Variants in CHRNB4 observed in about 807,000 individuals in gnomAD.
CHRNB4 encodes the protein cholinergic receptor nicotinic beta 4 subunit.
CHRNB4 carries 23 observed loss-of-function variants against 40.4 expected under a neutral mutation model. That is an observed-to-expected ratio of 0.57 (90% CI 0.41 to 0.81). CHRNB4 has a LOEUF of 0.81. CHRNB4 is among the 30% of genes least tolerant of loss of function. The pLI, the probability that CHRNB4 is intolerant of heterozygous loss-of-function variation, is 0.00. For missense variants in CHRNB4, 568 were observed against 670.6 expected (o/e 0.85, Z 1.69); for synonymous variants, 285 against 274.4 (o/e 1.04, Z -0.38).
Position 78,641,122 on chromosome 15 carries a change from C to G in CHRNB4, c.12G>C (p.Ala4=), listed in dbSNP as rs746056646. 16 of 1,573,906 alleles carry G rather than the reference C, an allele frequency of 1.0e-5. No homozygotes were observed. Among genetic ancestry groups the G allele is most frequent in the African/African-American group, 2.7e-5 (2 of 73,576 alleles). MRR[A]PSLVLFFLVA... ...CCAGGAAGAAAAGGACCAGGGAAGG[C>G]GCGCGCCTCATGGCCGGCGGGGCCG... Residue 4 remains alanine (A), a synonymous_variant, in exon 1 of 6, where the codon GCG becomes GCC. Coordinates refer to ENST00000261751, the MANE Select transcript of CHRNB4 (RefSeq NM_000750.5).
chr15:78,631,325 C>T lies in CHRNB4; in HGVS notation c.212G>A (p.Arg71Gln), dbSNP rs1369287083. The T allele has an allele frequency of 6.2e-6, 10 of 1,613,750 alleles. No individual in the cohort carries two copies. Among genetic ancestry groups the T allele is most frequent in the Admixed American group, 1.7e-5 (1 of 59,982 alleles). ...GACATTGGTGGTCATGATCTGCTCT[C>T]GCTCATTCTGGGGAGGGAAACGGGG... ...SLAQLISVNE[R>Q]EQIMTTNVWL... Residue 71 changes from arginine (R) to glutamine (Q), a missense_variant, in exon 3 of 6, where the codon CGA (arginine) becomes CAA (glutamine). Physicochemically the swap from Arg to Gln is conservative, Grantham distance 43. Transcript: ENST00000261751.
upstream of CHRNB4, among the ~76,000 whole-genome samples, chr15:78,644,650 G>A (rs1221479187): frequency 6.6e-6 from 1 of 152,172 alleles, no homozygotes; most frequent in African/African-American, 2.4e-5. Flanking sequence ...AAATACTCAG[G>A]AAGAGCTGAC....
At chr15:78,639,055 T>C (rs1292309569) in intron 1 of CHRNB4, among the ~76,000 whole-genome samples, 2 of 152,240 alleles carry the variant, frequency 1.3e-5, no homozygotes, top group African/African-American at 2.4e-5. Context: ...AAGCCATAGC[T>C]GGAATTCTAA....
upstream of CHRNB4, chr15:78,661,392 C>A: frequency 1.9e-6 from 1 of 526,344 alleles, no homozygotes; most frequent in Admixed American, 2.3e-5. Flanking sequence ...TTTTCCCGGC[C>A]AGGAAGCTTC....
At chr15:78,647,434 A>G (rs1200517206) in intron 7 of CHRNB4, among the ~76,000 whole-genome samples, 1 of 151,908 alleles carries the variant, frequency 6.6e-6, no homozygotes, top group East Asian at 1.9e-4. Context: ...GAAAACTTGA[A>G]TGACCTGCAA....
upstream of CHRNB4, chr15:78,661,571 G>A: frequency 1.9e-6 from 1 of 533,946 alleles, no homozygotes; most frequent in Non-Finnish European, 3.7e-6. Flanking sequence ...TGCGCGGAAC[G>A]TTTTTTGGTC....
chr15:78,624,898 A>T lies in CHRNB4; in HGVS notation c.*235T>A. 1 of 1,405,454 alleles carries T rather than the reference A, an allele frequency of 7.1e-7. No individual in the cohort carries two copies. The highest frequency in any genetic ancestry group is 1.4e-5 in the South Asian group (1 of 69,726). The allele number at this position is 1,405,454 out of a possible 1,614,324, so 87.1% of individuals were successfully genotyped here. A position where few individuals can be genotyped will look rare whatever the true frequency, so the allele number is the denominator to read the frequency against. On this transcript the variant is annotated 3_prime_UTR_variant, in exon 6 of 6. Coordinates refer to ENST00000261751, the MANE Select transcript of CHRNB4 (RefSeq NM_000750.5). ...GGTGCAGGGAAGGAAGACAGGCCAG[A>T]ATTGAACTGTCTGAAGCTCCCTCCT...
intron 5 of CHRNB4, among the ~76,000 whole-genome samples, chr15:78,654,619 A>G (rs1349916014): frequency 6.6e-6 from 1 of 152,228 alleles, no homozygotes; most frequent in East Asian, 1.9e-4. Flanking sequence ...AAAATAGGCA[A>G]TGTGAAATCC....
upstream of CHRNB4, among the ~76,000 whole-genome samples, chr15:78,644,200 A>T (rs2054105700): frequency 6.6e-6 from 1 of 151,450 alleles, no homozygotes; most frequent in African/African-American, 2.4e-5. Flanking sequence ...AGTAACAAAA[A>T]CCTTAGAATA....
At chr15:78,659,355 G>C (rs1201758712) in intron 1 of CHRNB4, among the ~76,000 whole-genome samples, 1 of 152,098 alleles carries the variant, frequency 6.6e-6, no homozygotes, top group Non-Finnish European at 1.5e-5. Context: ...GATCACTTGA[G>C]ACTGGGAGGC....
intron 2 of CHRNB4, among the ~76,000 whole-genome samples, chr15:78,631,954 C>A (rs1005484323): frequency 2.0e-5 from 3 of 152,168 alleles, no homozygotes; most frequent in Admixed American, 1.3e-4. Flanking sequence ...AACACTCCGC[C>A]ATTTGCTCAT....
At chr15:78,649,265 C>G in intron 7 of CHRNB4, 1 of 308,270 alleles carries the variant, frequency 3.2e-6, no homozygotes, top group Non-Finnish European at 6.4e-6. Context: ...GTGTGTACCC[C>G]AGAGACACTC....
chr15:78,629,347 G>A lies in CHRNB4; in HGVS notation c.958C>T (p.His320Tyr). The change falls in exon 5 of 6, where the codon CAC (histidine) becomes TAC (tyrosine). Residue 320 changes from histidine (H) to tyrosine (Y), a missense_variant. Coordinates refer to ENST00000261751, the MANE Select transcript of CHRNB4 (RefSeq NM_000750.5). This position sits in a 1 kb window ranked among gnomAD's most constrained non-coding sequence, Gnocchi z 6.8. Reference protein sequence around the residue: ...IVTSVCVLNVHHRSPSTHTMA... With the variant: ...IVTSVCVLNVYHRSPSTHTMA... ...GTGTGGGTGCTGGGCGAGCGGTGGTGCACATTGAGCACACAGACGCTGGTG... is the reference window on the plus strand; with the variant it reads ...GTGTGGGTGCTGGGCGAGCGGTGGTACACATTGAGCACACAGACGCTGGTG... 1 of 1,614,056 alleles carries A rather than the reference G, an allele frequency of 6.2e-7. No homozygotes were observed. The highest frequency in any genetic ancestry group is 8.5e-7 in the Non-Finnish European group (1 of 1,180,030).
chr15:78,643,965 C>T (rs141949494), upstream of CHRNB4, among the ~76,000 whole-genome samples: 231 of 141,724 alleles, frequency 1.6e-3, 2 homozygotes, highest in African/African-American at 5.5e-3. Flanking sequence ...CTGGCTAACA[C>T]GGTGAAACCT....
At chr15:78,627,661 T>C (rs146674329) in intron 5 of CHRNB4, 2 of 152,274 alleles carry the variant, frequency 1.3e-5, no homozygotes, top group African/African-American at 4.8e-5. Flanking sequence ...GATCTGAAGG[T>C]GTTAATATGA....
At chr15:78,633,499 G>A (rs556785617) in intron 2 of CHRNB4, among the ~76,000 whole-genome samples, 151 of 152,338 alleles carry the variant, frequency 9.9e-4, no homozygotes, top group Non-Finnish European at 1.6e-3. Flanking sequence ...TGGTGGGAAG[G>A]GAGGAGGGAG....
At chr15:78,661,239 A>G (rs879060746), upstream of CHRNB4, 4 of 608,160 alleles carry the variant, frequency 6.6e-6, 1 homozygote, top group Admixed American at 5.6e-5. Flanking sequence ...CCAGCTGGTC[A>G]AAAGTGAGGA....
intron 1 of CHRNB4, among the ~76,000 whole-genome samples, chr15:78,659,110 G>A (rs901152014): frequency 2.6e-5 from 4 of 152,164 alleles, no homozygotes; most frequent in African/African-American, 7.2e-5. Context: ...TGGTGGGGGT[G>A]TAAGATGGGG....
At chr15:78,647,037 G>A (rs2054128219) in intron 7 of CHRNB4, among the ~76,000 whole-genome samples, 1 of 152,164 alleles carries the variant, frequency 6.6e-6, no homozygotes, top group Non-Finnish European at 1.5e-5. Flanking sequence ...GTACTTAGGA[G>A]GCTGAGGCGG....
Sources: gnomAD v4.1 joint callset for allele counts (sites outside exome capture counted in the v4.1 genomes callset) on GRCh38, gnomAD v4.1.1 for gene constraint, Gnocchi (gnomAD v3.1) non-coding constraint, MANE v1.5 for transcripts, NCBI Gene and HGNC (gene_info 2026-07-23, HGNC 2026-07-21) for gene names.